ZNF91: variants seen among roughly 807,000 people sequenced by gnomAD.
ZNF91 encodes the protein zinc finger protein 91, also known as zinc finger protein 91 (HPF7, HTF10).
In ZNF91, 7 loss-of-function variants were observed where a neutral mutation model predicts 12.6. The ratio of observed to expected loss-of-function variants is 0.55; its 90% CI spans 0.31 to 1.04. ZNF91 has a LOEUF of 1.04. Among genes scored for constraint, ZNF91 ranks in the 50% least tolerant of loss-of-function variants. The pLI is 0.05. For synonymous variants in ZNF91, 453 were observed against 462.6 expected (o/e 0.98, Z 0.27); for missense variants, 1,217 against 1,385.4 (o/e 0.88, Z 1.93).
intron 3 of ZNF91, among the ~76,000 whole-genome samples, chr19:23,349,341 TTC>T (rs1167457940): frequency 6.6e-6 from 1 of 151,994 alleles, no homozygotes; most frequent in African/African-American, 2.4e-5. Flanking sequence ...GCTGTAAAAT[TTC>T]TCTCTTTATA....
downstream of ZNF91, among the ~76,000 whole-genome samples, chr19:23,353,361 T>A (rs1466844166): frequency 6.6e-6 from 1 of 152,128 alleles, no homozygotes; most frequent in Non-Finnish European, 1.5e-5. Context: ...GAATGAGCAC[T>A]GGGGCAAAAA....
At chr19:23,392,396 CA>C (rs71163502) in intron 1 of ZNF91, among the ~76,000 whole-genome samples, 373 of 70,414 alleles carry the variant, frequency 5.3e-3, no homozygotes, top group Non-Finnish European at 8.3e-3. Context: ...AACTCCATCT[CA>C]AAAAAAAAAA....
rs1968575033 is a variant in ZNF91, at chr19:23,358,859, G to A, written c.*544C>T. On this transcript the variant is annotated 3_prime_UTR_variant, in exon 4 of 4. Transcript: ENST00000300619. ...TCAAAAGCGTTGGCACATCTTTCAG[G>A]TTTGTAGAGTTTCTCTCCAGTATGA... 2 of 173,632 alleles carry A rather than the reference G, an allele frequency of 1.2e-5. No homozygotes were observed. Among genetic ancestry groups the A allele is most frequent in the Non-Finnish European group, 1.3e-5 (1 of 75,806 alleles). The allele number at this position is 173,632 out of a possible 1,614,324, so 10.8% of individuals were successfully genotyped here.
intron 3 of ZNF91, among the ~76,000 whole-genome samples, chr19:23,365,821 C>T (rs572905814): frequency 9.2e-4 from 140 of 152,150 alleles, no homozygotes; most frequent in African/African-American, 3.2e-3. Context: ...CATCTTGCAC[C>T]GCCCTTAATC....
Position 23,360,857 on chromosome 19 carries a change from G to A in ZNF91, c.2122C>T (p.His708Tyr). ...CATTTGTAGAGTTTCTCTCCAGCATGTATTATTTTATGTTTAGTAAGGGTT... is the reference window on the plus strand; with the variant it reads ...CATTTGTAGAGTTTCTCTCCAGCATATATTATTTTATGTTTAGTAAGGGTT... ...LSTLTKHKII[H>Y]AGEKLYKCEE... Residue 708 changes from histidine (H) to tyrosine (Y), a missense_variant, in exon 4 of 4, where the codon CAT becomes TAT. This residue lies in a region of ZNF91 where 726 missense variants were observed against 895.5 expected (regional missense o/e 0.81). Coordinates refer to ENST00000300619, the MANE Select transcript of ZNF91 (RefSeq NM_003430.4). 6.2e-7 allele frequency: 1 copy of A among 1,613,828 alleles called. No homozygotes were observed. The highest frequency in any genetic ancestry group is 1.3e-5 in the African/African-American group (1 of 75,018).
chr19:23,351,436 G>A (rs745485494), intron 3 of ZNF91, among the ~76,000 whole-genome samples: 4 of 152,146 alleles, frequency 2.6e-5, no homozygotes, highest in Admixed American at 6.5e-5. Context: ...TGGATGGAGA[G>A]AGTTAAGGCT....
At chr19:23,378,087 A>G (rs1240809110) in intron 1 of ZNF91, among the ~76,000 whole-genome samples, 2 of 152,338 alleles carry the variant, frequency 1.3e-5, no homozygotes, top group African/African-American at 4.8e-5. Flanking sequence ...CTTGTGAATC[A>G]ACTACTGTAT....
At chr19:23,324,919 G>T (rs904415650) in intron 1 of ZNF91, 1 of 151,766 alleles carries the variant, frequency 6.6e-6, no homozygotes, top group African/African-American at 2.4e-5. Flanking sequence ...CTTGAGCCAG[G>T]TCTTCTGTCC....
intron 1 of ZNF91, among the ~76,000 whole-genome samples, chr19:23,376,284 G>A (rs1297477082): frequency 6.6e-6 from 1 of 152,106 alleles, no homozygotes; most frequent in East Asian, 1.9e-4. Context: ...CAAATTCATG[G>A]TGAGAATTCT....
At chr19:23,350,279 A>T (rs1968330525) in intron 3 of ZNF91, among the ~76,000 whole-genome samples, 2 of 152,320 alleles carry the variant, frequency 1.3e-5, no homozygotes, top group African/African-American at 4.8e-5. Flanking sequence ...GTGGGGCCCA[A>T]CAAATCTTTA....
At chr19:23,365,818 C>T (rs1006945006) in intron 3 of ZNF91, among the ~76,000 whole-genome samples, 8 of 152,040 alleles carry the variant, frequency 5.3e-5, no homozygotes, top group Non-Finnish European at 1.0e-4. Context: ...GCACATCTTG[C>T]ACCGCCCTTA....
intron 3 of ZNF91, among the ~76,000 whole-genome samples, chr19:23,368,530 C>A (rs932698591): frequency 7.6e-6 from 1 of 131,658 alleles, no homozygotes; most frequent in East Asian, 2.3e-4. Flanking sequence ...CTCTCTCTCT[C>A]TCTCTCTCTC....
intron 3 of ZNF91, among the ~76,000 whole-genome samples, chr19:23,370,221 T>TAA (rs749519366): frequency 3.3e-5 from 5 of 150,224 alleles, no homozygotes; most frequent in East Asian, 3.9e-4. Context: ...TATTCAACCT[T>TAA]AAAAAAAAAC....
intron 1 of ZNF91, among the ~76,000 whole-genome samples, chr19:23,386,926 T>C (rs562518104): frequency 6.6e-6 from 1 of 152,144 alleles, no homozygotes; most frequent in South Asian, 2.1e-4. Context: ...ACGTCTAATA[T>C]CCAGAATCCA....
chr19:23,350,414 A>T (rs1438054593), intron 3 of ZNF91, among the ~76,000 whole-genome samples: 4 of 152,132 alleles, frequency 2.6e-5, no homozygotes, highest in African/African-American at 7.2e-5. Context: ...TAAAACTCTT[A>T]TTGAAACTAA....
chr19:23,343,770 C>T (rs1331880177), intron 3 of ZNF91, among the ~76,000 whole-genome samples: 5 of 152,180 alleles, frequency 3.3e-5, no homozygotes, highest in Non-Finnish European at 5.9e-5. Flanking sequence ...CAAAACTGCC[C>T]ACAATTCCTC....
At chr19:23,326,276 TA>T (rs1483620816) in intron 1 of ZNF91, 1 of 152,230 alleles carries the variant, frequency 6.6e-6, no homozygotes, top group African/African-American at 2.4e-5. Flanking sequence ...CCATCTTCTG[TA>T]CCTAGCACAA....
At chr19:23,335,271 C>T (rs1967984877), downstream of ZNF91, among the ~76,000 whole-genome samples, 1 of 152,236 alleles carries the variant, frequency 6.6e-6, no homozygotes, top group African/African-American at 2.4e-5. Context: ...ACTCGGGGGT[C>T]AGGGAGCCAC....
At chr19:23,395,180 G>A in intron 1 of ZNF91, 145 bp downstream of exon 1, 2 of 968,532 alleles carry the variant, frequency 2.1e-6, no homozygotes, top group South Asian at 3.1e-5. Context: ...TCGCTGAAGG[G>A]GACTGAGGCC....
Sources: gnomAD v4.1 joint callset for allele counts (sites outside exome capture counted in the v4.1 genomes callset) on GRCh38, gnomAD v4.1.1 for gene constraint, gnomAD v4.1.1 regional missense constraint, MANE v1.5 for transcripts, NCBI Gene and HGNC (gene_info 2026-07-23, HGNC 2026-07-21) for gene names.